Variants in MPDZ observed in about 807,000 individuals in gnomAD.
MPDZ encodes the protein multiple PDZ domain protein.
In MPDZ, 234 loss-of-function variants were observed where a neutral mutation model predicts 239.1. That is an observed-to-expected ratio of 0.98 (90% CI 0.88 to 1.09). The LOEUF (loss-of-function observed/expected upper bound fraction) is 1.09, where lower values mean the gene tolerates loss of function less well. Ranked by LOEUF, MPDZ falls within the 50% of genes least tolerant of loss-of-function variation. The pLI is 0.00. For missense variants in MPDZ, 3,175 were observed against 2,510.0 expected (o/e 1.26, Z -5.66); for synonymous variants, 1,048 against 881.3 (o/e 1.19, Z -3.35).
chr9:13,240,580 TAA>T (rs71331533), intron 3 of MPDZ, among the ~76,000 whole-genome samples: 148 of 44,016 alleles, frequency 3.4e-3, no homozygotes, highest in African/African-American at 6.6e-3. Context: ...ATAATAAAAG[TAA>T]AAAAAAAAAA....
Position 13,139,968 on chromosome 9 carries a change from T to C in MPDZ, c.4003+19A>G. On this transcript the variant is annotated intron_variant, in intron 28 of 46. Transcript: ENST00000319217. ...TTAATACCTCTTACAATTAAATGCA[T>C]CACAAAAACACAACTTACTCCAGCT... 1 of 1,613,208 alleles carries C rather than the reference T, an allele frequency of 6.2e-7. No individual in the cohort carries two copies. The highest frequency in any genetic ancestry group is 8.5e-7 in the Non-Finnish European group (1 of 1,179,412).
chr9:13,237,441 C>CAAAAAAAA, intron 3 of MPDZ, among the ~76,000 whole-genome samples: 1 of 54,684 alleles, frequency 1.8e-5, no homozygotes, highest in Non-Finnish European at 3.5e-5. Flanking sequence ...GACACTGTCT[C>CAAAAAAAA]AAAAAAAAAA....
At chr9:13,198,023 T>C (rs777494019) in intron 12 of MPDZ, among the ~76,000 whole-genome samples, 15 of 152,144 alleles carry the variant, frequency 9.9e-5, no homozygotes, top group Non-Finnish European at 2.1e-4. Context: ...TGCTTCCATA[T>C]CTTAGCCATA....
chr9:13,143,089 G>A (rs1302707174), intron 27 of MPDZ, among the ~76,000 whole-genome samples: 1 of 152,074 alleles, frequency 6.6e-6, no homozygotes, highest in Non-Finnish European at 1.5e-5. Flanking sequence ...TCACCTTGTA[G>A]AAGTATGAAA....
intron 10 of MPDZ, among the ~76,000 whole-genome samples, chr9:13,206,421 C>G (rs1210718875): frequency 6.6e-6 from 1 of 151,926 alleles, no homozygotes; most frequent in Non-Finnish European, 1.5e-5. Flanking sequence ...CAGGGTCTCA[C>G]TCTATTGCCC....
chr9:13,168,490 G>C lies in MPDZ; in HGVS notation c.3130C>G (p.Arg1044Gly), dbSNP rs776927125. 6.2e-7 allele frequency: 1 copy of C among 1,613,334 alleles called. No homozygotes were observed. The highest frequency in any genetic ancestry group is 8.5e-7 in the Non-Finnish European group (1 of 1,179,530). The change falls in exon 22 of 47, where the codon CGA becomes GGA. Residue 1044 changes from arginine (R) to glycine (G), a missense_variant. Arg to Gly is a moderately radical substitution (Grantham distance 125). Coordinates refer to ENST00000319217, the MANE Select transcript of MPDZ (RefSeq NM_001378778.1). ...TCCCCAATGGCAATCCGGCCATCTCGACTAATGGCACCTCCATGAATAATG... is the reference window on the plus strand; with the variant it reads ...TCCCCAATGGCAATCCGGCCATCTCCACTAATGGCACCTCCATGAATAATG... Reference protein sequence around the residue: ...RSIIHGGAISRDGRIAIGDCI... With the variant: ...RSIIHGGAISGDGRIAIGDCI...
At chr9:13,197,521 T>C (rs1281868575) in intron 12 of MPDZ, among the ~76,000 whole-genome samples, 1 of 152,172 alleles carries the variant, frequency 6.6e-6, no homozygotes, top group African/African-American at 2.4e-5. Flanking sequence ...ATATGTGATA[T>C]TTTGATACAT....
intron 24 of MPDZ, among the ~76,000 whole-genome samples, chr9:13,156,427 C>G (rs773202929): frequency 6.6e-6 from 1 of 152,190 alleles, no homozygotes; most frequent in African/African-American, 2.4e-5. Flanking sequence ...GGAAGCCTCA[C>G]AATCATGACA....
At chr9:13,189,865 C>T (rs527624710) in intron 16 of MPDZ, among the ~76,000 whole-genome samples, 7 of 151,918 alleles carry the variant, frequency 4.6e-5, no homozygotes, top group South Asian at 2.1e-4. Context: ...TCCCAAATAA[C>T]GAAAAAACAC....
intron 39 of MPDZ, among the ~76,000 whole-genome samples, chr9:13,117,848 T>C (rs2131432250): frequency 6.6e-6 from 1 of 151,128 alleles, no homozygotes; most frequent in African/African-American, 2.4e-5. Context: ...ATTAGCTTTT[T>C]TTTTTTTTTT....
intron 27 of MPDZ, among the ~76,000 whole-genome samples, chr9:13,142,006 C>G (rs1484974734): frequency 9.2e-5 from 14 of 152,064 alleles, no homozygotes; most frequent in Non-Finnish European, 1.9e-4. Flanking sequence ...TTGGTCCAAT[C>G]AAGTTTCATT....
chr9:13,136,775 C>A lies in MPDZ; in HGVS notation c.4229G>T (p.Ser1410Ile). ...EINGQILYGR[S>I]HQNASSIIKC... is the part of the protein sequence containing the mutation. The stretch of plus-strand genomic sequence containing the variant: ...AATGATTGATGAGGCATTCTGATGA[C>A]TTCTTCCATATAAAATCTGACCATT... Residue 1410 changes from serine to isoleucine, a missense_variant, in exon 30 of 47, where the codon AGT (serine) becomes ATT (isoleucine). By Grantham distance (142) the Ser-to-Ile change is moderately radical. Coordinates refer to ENST00000319217, the MANE Select transcript of MPDZ (RefSeq NM_001378778.1). 6.2e-7 allele frequency: 1 copy of A among 1,601,766 alleles called. No homozygotes were observed. Among genetic ancestry groups the A allele is most frequent in the Non-Finnish European group, 8.5e-7 (1 of 1,172,998 alleles).
intron 10 of MPDZ, among the ~76,000 whole-genome samples, chr9:13,212,961 T>C (rs1001512673): frequency 6.6e-6 from 1 of 152,076 alleles, no homozygotes; most frequent in Admixed American, 6.6e-5. Context: ...CTCCAACATA[T>C]CCTATACGTA....
At chr9:13,170,254 AGATAT>A (rs1229188536) in intron 21 of MPDZ, among the ~76,000 whole-genome samples, 1 of 152,162 alleles carries the variant, frequency 6.6e-6, no homozygotes, top group African/African-American at 2.4e-5. Context: ...ATACCAAATT[AGATAT>A]GATATTTCAA....
intron 3 of MPDZ, among the ~76,000 whole-genome samples, chr9:13,239,095 A>G (rs752027319): frequency 6.6e-6 from 1 of 152,176 alleles, no homozygotes; most frequent in Non-Finnish European, 1.5e-5. Context: ...ATGTCTTGAG[A>G]ATAAATTCTT....
At chr9:13,278,618 C>CT (rs1429407912) in intron 1 of MPDZ, among the ~76,000 whole-genome samples, 4 of 152,234 alleles carry the variant, frequency 2.6e-5, no homozygotes, top group Non-Finnish European at 5.9e-5. Flanking sequence ...CATCCTGGGG[C>CT]TGCCAAATCG....
At chr9:13,250,443 A>C (rs1172737174) in intron 1 of MPDZ, 71 bp from the exon 2 acceptor site, 4 of 773,760 alleles carry the variant, frequency 5.2e-6, no homozygotes, top group African/African-American at 1.7e-5. Flanking sequence ...TACTCTGAAG[A>C]ACACTTGATA....
chr9:13,117,290 G>C (rs1392829436), intron 39 of MPDZ, among the ~76,000 whole-genome samples: 1 of 152,080 alleles, frequency 6.6e-6, no homozygotes, highest in Non-Finnish European at 1.5e-5. Flanking sequence ...ATGACACTTT[G>C]GGAGGCCGAG....
chr9:13,230,666 A>T (rs891934494), intron 3 of MPDZ, among the ~76,000 whole-genome samples: 10 of 152,158 alleles, frequency 6.6e-5, no homozygotes, highest in African/African-American at 2.2e-4. Flanking sequence ...TAAGGGAGAT[A>T]TTTGTGGTGA....
Sources: allele counts gnomAD v4.1 joint callset (sites outside exome capture counted in the v4.1 genomes callset), GRCh38; gene constraint gnomAD v4.1.1; transcripts MANE v1.5; gene names NCBI Gene and HGNC (gene_info 2026-07-23, HGNC 2026-07-21).